DNAH17: variants seen among roughly 807,000 people sequenced by gnomAD.
DNAH17 encodes axonemal beta dynein heavy chain 17.
Under a neutral mutation model 485.6 loss-of-function variants are expected in DNAH17, and 376 were observed. The ratio of observed to expected loss-of-function variants is 0.77; its 90% CI spans 0.71 to 0.84. The LOEUF (loss-of-function observed/expected upper bound fraction) is 0.84, where lower values mean the gene tolerates loss of function less well. Among genes scored for constraint, DNAH17 ranks in the 40% least tolerant of loss-of-function variants. DNAH17 has a pLI of 0.00. For synonymous variants in DNAH17, 3,031 were observed against 2,405.9 expected, an observed-to-expected ratio of 1.26 and a Z score of -7.60; for missense variants, 6,370 against 5,839.3, an observed-to-expected ratio of 1.09 and a Z score of -2.96.
intron 69 of DNAH17, 39 bp from the exon 70 acceptor site, chr17:78,445,719 GTAAAA>G (rs2087258307): frequency 6.3e-7 from 1 of 1,576,092 alleles, no homozygotes; most frequent in South Asian, 1.2e-5. Flanking sequence ...AACGCAGCCA[GTAAAA>G]CGTCAGCAGC....
chr17:78,464,635 A>G (rs993404305), intron 56 of DNAH17, among the ~76,000 whole-genome samples: 2 of 152,232 alleles, frequency 1.3e-5, no homozygotes, highest in African/African-American at 4.8e-5. Context: ...TGCACAAGGC[A>G]ATGGTGTGTG....
chr17:78,428,058 C>T (rs989386333), intron 77 of DNAH17, among the ~76,000 whole-genome samples: 2 of 150,968 alleles, frequency 1.3e-5, no homozygotes, highest in Non-Finnish European at 3.0e-5. Flanking sequence ...ACTGGCATCC[C>T]CTGAACTCTT....
intron 14 of DNAH17, among the ~76,000 whole-genome samples, chr17:78,556,800 G>A (rs985771955): frequency 3.3e-5 from 5 of 152,124 alleles, no homozygotes; most frequent in African/African-American, 7.2e-5. Flanking sequence ...ATATCCATGC[G>A]ACACATTGCC....
In DNAH17 at chr17:78,570,384, C is replaced by G; in HGVS notation, c.919-12G>C. 1.9e-6 allele frequency: 3 copies of G among 1,607,916 alleles called. No homozygotes were observed. The highest frequency in any genetic ancestry group is 2.5e-6 in the Non-Finnish European group (3 of 1,177,908). Reference sequence around the variant, plus strand: ...ATGAAGGTGGGGAGCTGGGGGGAGACAGGCCCAGGCACACTGGAGGGGACT... The same window carrying G: ...ATGAAGGTGGGGAGCTGGGGGGAGAGAGGCCCAGGCACACTGGAGGGGACT... On this transcript the variant is annotated splice_polypyrimidine_tract_variant and intron_variant, in intron 6 of 80. Transcript: ENST00000389840.
intron 14 of DNAH17, among the ~76,000 whole-genome samples, chr17:78,556,681 C>T (rs2092030330): frequency 1.3e-5 from 2 of 152,194 alleles, no homozygotes; most frequent in Middle Eastern, 3.4e-3. Context: ...CAGCCACGCT[C>T]TCCGGGCCCC....
At chr17:78,570,012 G>GACC (rs1170890546) in intron 7 of DNAH17, among the ~76,000 whole-genome samples, 12 of 152,214 alleles carry the variant, frequency 7.9e-5, no homozygotes, top group Non-Finnish European at 2.9e-5. Context: ...TCTCAGGGCA[G>GACC]ACCTCCTCCT....
chr17:78,458,466 C>T lies in DNAH17; in HGVS notation c.9977+99G>A, dbSNP rs1019636956. 3 of 1,024,448 alleles carry T rather than the reference C, an allele frequency of 2.9e-6. No individual in the cohort carries two copies. In the African/African-American group the frequency reaches 4.9e-5, roughly 17 times the overall value. The allele number at this position is 1,024,448 out of a possible 1,614,324, so 63.5% of individuals were successfully genotyped here. A position where few individuals can be genotyped will look rare whatever the true frequency, so the allele number is the denominator to read the frequency against. On this transcript the variant is annotated intron_variant, in intron 62 of 80. Transcript: ENST00000389840. ...GTGAAAGTGGCAACCTGGCTGCTTCCACCTGGGCTCCCTCCTCTTCCTCCC... is the reference window on the plus strand; with the variant it reads ...GTGAAAGTGGCAACCTGGCTGCTTCTACCTGGGCTCCCTCCTCTTCCTCCC...
chr17:78,551,319 G>A (rs887305397), intron 16 of DNAH17, among the ~76,000 whole-genome samples: 1 of 152,242 alleles, frequency 6.6e-6, no homozygotes, highest in Admixed American at 6.5e-5. Context: ...GTGGAGCTCA[G>A]CAGAATGGAG....
rs369114728 is a variant in DNAH17 at position 78,486,139 on chromosome 17, G to A, written c.7102-6C>T. The A allele has an allele frequency of 3.8e-5, 61 of 1,611,892 alleles. No individual in the cohort carries two copies. Among genetic ancestry groups the A allele is most frequent in the Non-Finnish European group, 5.1e-5 (60 of 1,178,606 alleles). On this transcript the variant is annotated splice_polypyrimidine_tract_variant and splice_region_variant and intron_variant, in intron 45 of 80. Coordinates refer to ENST00000389840, the MANE Select transcript of DNAH17 (RefSeq NM_173628.4). ...TCCACTCGATAATCCACAAGCTGTT[G>A]AGACACAGAAGTAAAAATCAGGGCC...
intron 16 of DNAH17, 108 bp downstream of exon 16, chr17:78,551,427 C>T (rs756586119): frequency 1.6e-5 from 15 of 961,984 alleles, no homozygotes; most frequent in East Asian, 2.4e-5. Context: ...GCTCCCACTG[C>T]ACCCCACACA....
At chr17:78,452,047 C>T (rs550395264) in intron 65 of DNAH17, among the ~76,000 whole-genome samples, 7 of 151,892 alleles carry the variant, frequency 4.6e-5, no homozygotes, top group Admixed American at 1.3e-4. Flanking sequence ...CCTGGGTCTG[C>T]TCATCCACTG....
In DNAH17 at chr17:78,453,257, C is replaced by T. The variant is rs890157183; in HGVS notation, c.10529+86G>A. The T allele has an allele frequency of 2.3e-5, 35 of 1,523,890 alleles. No homozygotes were observed. The Middle Eastern group carries it at 6.8e-4, about 30-fold the overall frequency. 94.4% of individuals were successfully genotyped at this position (1,523,890 alleles called of 1,614,324 possible). Reference sequence around the variant, plus strand: ...CTTACCAGGGAAGCAAAGGAAATTCCGGGCGTTTTCTCTACATGCACACGC... The same window carrying T: ...CTTACCAGGGAAGCAAAGGAAATTCTGGGCGTTTTCTCTACATGCACACGC... On this transcript the variant is annotated intron_variant, in intron 65 of 80. Transcript: ENST00000389840.
At chr17:78,529,782 G>T in intron 21 of DNAH17, 88 bp from the exon 22 acceptor site, 1 of 1,358,802 alleles carries the variant, frequency 7.4e-7, no homozygotes, top group African/African-American at 1.4e-5. Flanking sequence ...GGGGACGACC[G>T]CGGTGAGGTC....
At chr17:78,487,438 T>C (rs547248943) in intron 44 of DNAH17, among the ~76,000 whole-genome samples, 17 of 152,322 alleles carry the variant, frequency 1.1e-4, no homozygotes, top group Middle Eastern at 3.4e-3. Context: ...ACGTGCATCA[T>C]TTCCAGGATG....
intron 54 of DNAH17, among the ~76,000 whole-genome samples, chr17:78,474,118 C>T (rs897646014): frequency 3.4e-4 from 52 of 152,350 alleles, no homozygotes; most frequent in African/African-American, 1.2e-3. Flanking sequence ...TCCAGGGTCT[C>T]TGCCTGCAGA....
At chr17:78,492,082 G>A (rs1008419040) in intron 42 of DNAH17, among the ~76,000 whole-genome samples, 1 of 152,136 alleles carries the variant, frequency 6.6e-6, no homozygotes, top group East Asian at 1.9e-4. Flanking sequence ...CACTTCTGAT[G>A]GGTAGGGTGC....
At position 78,560,708 on chromosome 17, in the gene DNAH17, C is replaced by T. The variant is rs1228475377; in HGVS notation, c.2031+32G>A. On this transcript the variant is annotated intron_variant, in intron 13 of 80. Coordinates refer to ENST00000389840, the MANE Select transcript of DNAH17 (RefSeq NM_173628.4). ...AGGCCCTCCCCCCGCTCCCAAGGAG[C>T]CTTTGACGCGGTCCCCACTCCTGGC... 1.4e-5 allele frequency: 21 copies of T among 1,521,924 alleles called. 1 individual carries two copies. Among genetic ancestry groups the T allele is most frequent in the Non-Finnish European group, 1.9e-5 (21 of 1,129,326 alleles). The allele number at this position is 1,521,924 out of a possible 1,614,324, so 94.3% of individuals were successfully genotyped here. A position where few individuals can be genotyped will look rare whatever the true frequency, so the allele number is the denominator to read the frequency against.
chr17:78,460,394 G>A (rs952676442), intron 58 of DNAH17, 137 bp from the exon 59 acceptor site: 10 of 691,572 alleles, frequency 1.4e-5, no homozygotes, highest in African/African-American at 7.1e-5. Flanking sequence ...GCATATATGT[G>A]CATGAGTGTA....
At position 78,566,712 on chromosome 17, in the gene DNAH17, C is replaced by T. The variant is rs1413286403; in HGVS notation, c.1471G>A (p.Ala491Thr). Reference sequence around the variant, plus strand: ...TCTTGGATTTTGATCTCAAAATCAGCATAATCACGGTCAAAATTCTAAAAG... The same window carrying T: ...TCTTGGATTTTGATCTCAAAATCAGTATAATCACGGTCAAAATTCTAAAAG... Reference protein sequence around the residue: ...PGDSNFDRDYADFEIKIQDLD... With the variant: ...PGDSNFDRDYTDFEIKIQDLD... Residue 491 changes from alanine (A) to threonine (T), a missense_variant, in exon 11 of 81, where the codon GCT (alanine) becomes ACT (threonine). By Grantham distance (58) the Ala-to-Thr change is moderately conservative (BLOSUM62 0). Coordinates refer to ENST00000389840, the MANE Select transcript of DNAH17 (RefSeq NM_173628.4). The T allele has an allele frequency of 6.2e-7, 1 of 1,605,256 alleles. No homozygotes were observed. Among genetic ancestry groups the T allele is most frequent in the African/African-American group, 1.3e-5 (1 of 74,834 alleles).
Sources: gnomAD v4.1 joint callset for allele counts (sites outside exome capture counted in the v4.1 genomes callset) on GRCh38, gnomAD v4.1.1 for gene constraint, MANE v1.5 for transcripts, NCBI Gene and HGNC (gene_info 2026-07-23, HGNC 2026-07-21) for gene names.